The following RCOR3 variants were observed in gnomAD, a reference collection of about 807,000 sequenced individuals.
RCOR3 encodes REST corepressor 3.
Under a neutral mutation model 64.1 loss-of-function variants are expected in RCOR3, and 13 were observed. The observed-to-expected ratio is 0.20, with a 90% CI of 0.13 to 0.32. The LOEUF (loss-of-function observed/expected upper bound fraction) is 0.32. RCOR3 is among the 10% of genes least tolerant of loss of function. The probability of loss-of-function intolerance (pLI) is 1.00; values close to 1 mark genes in which losing one functional copy is unlikely to be tolerated. For missense variants in RCOR3, 489 were observed against 701.2 expected, an observed-to-expected ratio of 0.70 and a Z score of 3.42; for synonymous variants, 215 against 239.0, an observed-to-expected ratio of 0.90 and a Z score of 0.93.
At chr1:211,265,835 T>C (rs532109305) in intron 2 of RCOR3, among the ~76,000 whole-genome samples, 11 of 152,326 alleles carry the variant, frequency 7.2e-5, no homozygotes, top group Non-Finnish European at 7.3e-5. Flanking sequence ...ATTAAAACTC[T>C]AGTAGTTATG....
intron 9 of RCOR3, 132 bp from the exon 10 acceptor site, chr1:211,303,951 A>T (rs1571991640): frequency 2.0e-6 from 1 of 494,124 alleles, no homozygotes; most frequent in African/African-American, 2.0e-5. Context: ...AATCTTTCTA[A>T]AAATGGAATC....
rs1037116717 is a variant in RCOR3, at chr1:211,312,615, A to T, written c.1076-105A>T. 3.7e-6 allele frequency: 3 copies of T among 816,670 alleles called. No homozygotes were observed. Among genetic ancestry groups the T allele is most frequent in the Non-Finnish European group, 6.1e-6 (3 of 488,554 alleles). 50.6% of individuals were successfully genotyped at this position (816,670 alleles called of 1,614,324 possible). On this transcript the variant is annotated intron_variant, in intron 10 of 11. Coordinates refer to ENST00000419091, the MANE Select transcript of RCOR3 (RefSeq NM_001136223.3). This position sits in a 1 kb window ranked among gnomAD's most constrained non-coding sequence, Gnocchi z 5.0. ...AATTGAGAAATGAGCAGAGTTTATC[A>T]GAAAGGAATTTCATTGCTGGTATCT...
At chr1:211,288,865 T>G (rs748291912) in intron 7 of RCOR3, among the ~76,000 whole-genome samples, 1 of 152,124 alleles carries the variant, frequency 6.6e-6, no homozygotes, top group Non-Finnish European at 1.5e-5. Context: ...AGGGAAAATA[T>G]ATCACATCTT....
At chr1:211,301,088 A>T (rs1044995153) in intron 9 of RCOR3, among the ~76,000 whole-genome samples, 1 of 152,056 alleles carries the variant, frequency 6.6e-6, no homozygotes, top group Non-Finnish European at 1.5e-5. Flanking sequence ...TTCAAGAGTA[A>T]TCTTGAAAAA....
chr1:211,286,239 G>A (rs1698501702), intron 7 of RCOR3, among the ~76,000 whole-genome samples: 1 of 151,080 alleles, frequency 6.6e-6, no homozygotes, highest in Non-Finnish European at 1.5e-5. Context: ...CCTATTTTTG[G>A]GGATTAAGAA....
intron 10 of RCOR3, among the ~76,000 whole-genome samples, chr1:211,310,192 CAG>C (rs1198837206): frequency 1.3e-5 from 2 of 152,146 alleles, no homozygotes; most frequent in African/African-American, 4.8e-5. Flanking sequence ...TCATGGTACA[CAG>C]AGAAAATTAT....
chr1:211,313,775 A>C lies in RCOR3; in HGVS notation c.*7A>C. ...ACAGTCCTCACTGCACTAAAAATTA[A>C]ATTGGACACAGCTGCAGTAACTTTT... On this transcript the variant is annotated 3_prime_UTR_variant, in exon 12 of 12. Coordinates refer to ENST00000419091, the MANE Select transcript of RCOR3 (RefSeq NM_001136223.3). This position sits in a 1 kb window ranked among gnomAD's most constrained non-coding sequence, Gnocchi z 4.7. The C allele has an allele frequency of 1.2e-6, 2 of 1,608,008 alleles. No homozygotes were observed. Among genetic ancestry groups the C allele is most frequent in the Non-Finnish European group, 1.7e-6 (2 of 1,174,718 alleles).
At chr1:211,274,046 G>T (rs1400919862) in intron 3 of RCOR3, among the ~76,000 whole-genome samples, 164 bp from the exon 4 acceptor site, 1 of 151,958 alleles carries the variant, frequency 6.6e-6, no homozygotes, top group Non-Finnish European at 1.5e-5. Flanking sequence ...ATCTGATCTT[G>T]CTATGATAAG....
In RCOR3 at chr1:211,313,150, A is replaced by G. The variant is rs1357477039; in HGVS notation, c.1317+189A>G. 5.5e-6 allele frequency: 8 copies of G among 1,466,738 alleles called. No homozygotes were observed. In the East Asian group the frequency reaches 1.9e-4, roughly 35 times the overall value. 90.9% of individuals were successfully genotyped at this position (1,466,738 alleles called of 1,614,324 possible). A position where few individuals can be genotyped will look rare whatever the true frequency, so the allele number is the denominator to read the frequency against. On this transcript the variant is annotated intron_variant, in intron 11 of 11. Coordinates refer to ENST00000419091, the MANE Select transcript of RCOR3 (RefSeq NM_001136223.3). This position sits in a 1 kb window ranked among gnomAD's most constrained non-coding sequence, Gnocchi z 4.7. ...ACATGCTAAGTTCTGATTCTAGAAGAATGGAGAGTGTATTGTTCTTTCATA... is the reference window on the plus strand; with the variant it reads ...ACATGCTAAGTTCTGATTCTAGAAGGATGGAGAGTGTATTGTTCTTTCATA...
At chr1:211,272,820 A>G (rs1210833393) in intron 3 of RCOR3, among the ~76,000 whole-genome samples, 1 of 150,220 alleles carries the variant, frequency 6.7e-6, no homozygotes, top group African/African-American at 2.4e-5. Context: ...ACGGGGTTTC[A>G]CCGTTTTAGC....
chr1:211,271,466 T>G, intron 3 of RCOR3, 157 bp downstream of exon 3: 1 of 672,698 alleles, frequency 1.5e-6, no homozygotes, highest in Non-Finnish European at 2.7e-6. Flanking sequence ...TAATGGAGGT[T>G]GTTATATTAG....
chr1:211,272,188 C>T (rs1696295585), intron 3 of RCOR3, among the ~76,000 whole-genome samples: 1 of 152,154 alleles, frequency 6.6e-6, no homozygotes, highest in Non-Finnish European at 1.5e-5. Context: ...AAAGGTCTAG[C>T]TGGTAATCTA....
chr1:211,266,973 C>T (rs1695313502), intron 2 of RCOR3, among the ~76,000 whole-genome samples: 1 of 152,164 alleles, frequency 6.6e-6, no homozygotes, highest in South Asian at 2.1e-4. Context: ...TTTTGAGATA[C>T]AGCCCCTTGA....
chr1:211,259,760 C>G, intron 1 of RCOR3, 34 bp downstream of exon 1: 1 of 1,429,116 alleles, frequency 7.0e-7, no homozygotes, highest in Non-Finnish European at 9.2e-7. Flanking sequence ...GCCAGCCCGC[C>G]TGCCCCCCTC....
At chr1:211,292,982 G>C (rs1438383156) in intron 8 of RCOR3, among the ~76,000 whole-genome samples, 1 of 151,976 alleles carries the variant, frequency 6.6e-6, no homozygotes, top group Non-Finnish European at 1.5e-5. Flanking sequence ...TACTCAGGAG[G>C]CTGAGGCAGG....
intron 3 of RCOR3, among the ~76,000 whole-genome samples, 169 bp from the exon 4 acceptor site, chr1:211,274,041 A>G (rs983862266): frequency 6.6e-6 from 1 of 152,090 alleles, no homozygotes; most frequent in Non-Finnish European, 1.5e-5. Context: ...TGAGCATCTG[A>G]TCTTGCTATG....
chr1:211,260,784 CCTCGCTCGCCAGCCAG>C (rs1346331412), intron 2 of RCOR3: 2 of 152,838 alleles, frequency 1.3e-5, no homozygotes, highest in Non-Finnish European at 2.9e-5. Flanking sequence ...GGCAGGCACA[CCTCGCTCGCCAGCCAG>C]CTCTGGGAAG....
chr1:211,269,072 T>C (rs1165107061), intron 2 of RCOR3, among the ~76,000 whole-genome samples: 1 of 152,222 alleles, frequency 6.6e-6, no homozygotes, highest in African/African-American at 2.4e-5. Context: ...AAGTATCTTA[T>C]AACTTTATAA....
chr1:211,293,097 A>G (rs1379985098), intron 8 of RCOR3, among the ~76,000 whole-genome samples: 3 of 141,762 alleles, frequency 2.1e-5, no homozygotes, highest in Non-Finnish European at 4.8e-5. Context: ...AAATAAATAA[A>G]TAAATAAATA....
Sources: gnomAD v4.1 joint callset for allele counts (sites outside exome capture counted in the v4.1 genomes callset) on GRCh38, gnomAD v4.1.1 for gene constraint, Gnocchi (gnomAD v3.1) non-coding constraint, MANE v1.5 for transcripts, NCBI Gene and HGNC (gene_info 2026-07-23, HGNC 2026-07-21) for gene names.